Variants in TBC1D1 observed in about 807,000 individuals in gnomAD.
TBC1D1 encodes TBC1 (tre-2/USP6, BUB2, cdc16) domain family, member 1.
A neutral mutation model predicts 125.6 loss-of-function variants in TBC1D1; 89 were observed. That is an observed-to-expected ratio of 0.71 (90% CI 0.60 to 0.85). The LOEUF is 0.85. Ranked by LOEUF, TBC1D1 falls within the 40% of genes least tolerant of loss-of-function variation. The pLI, the probability that TBC1D1 is intolerant of heterozygous loss-of-function variation, is 0.00. For missense variants in TBC1D1, 1,377 were observed against 1,469.2 expected (o/e 0.94, Z 1.03); for synonymous variants, 565 against 564.1 (o/e 1.00, Z -0.02).
intron 6 of TBC1D1, among the ~76,000 whole-genome samples, chr4:38,024,500 A>G (rs1744683188): frequency 6.6e-6 from 1 of 152,220 alleles, no homozygotes; most frequent in Admixed American, 6.5e-5. Context: ...TTTTGGAATT[A>G]ATCATTTGAT....
At chr4:38,031,876 C>T (rs1746213356) in intron 7 of TBC1D1, among the ~76,000 whole-genome samples, 2 of 152,118 alleles carry the variant, frequency 1.3e-5, no homozygotes, top group Non-Finnish European at 2.9e-5. Flanking sequence ...AGTTTTGTTA[C>T]TTTTAACAGG....
At chr4:37,939,293 C>T (rs182090276) in intron 2 of TBC1D1, among the ~76,000 whole-genome samples, 3 of 152,232 alleles carry the variant, frequency 2.0e-5, no homozygotes, top group Admixed American at 6.5e-5. Context: ...TGAGCATTTT[C>T]TCATGTGTCT....
intron 8 of TBC1D1, 112 bp from the exon 9 acceptor site, chr4:38,044,250 A>G: frequency 8.3e-7 from 1 of 1,207,138 alleles, no homozygotes; most frequent in African/African-American, 1.5e-5. Context: ...GAGATCACAG[A>G]CAGGATCAGA....
chr4:38,048,095 GTATTGTA>G (rs761192925), intron 10 of TBC1D1, among the ~76,000 whole-genome samples: 1 of 152,160 alleles, frequency 6.6e-6, no homozygotes, highest in Non-Finnish European at 1.5e-5. Context: ...CTGCTTGTAT[GTATTGTA>G]TATGTTTAAG....
At chr4:38,052,186 T>TGTGTGTGTGC in intron 11 of TBC1D1, 126 bp downstream of exon 12, 1 of 601,634 alleles carries the variant, frequency 1.7e-6, no homozygotes, top group Admixed American at 3.3e-5. Flanking sequence ...TGTGTGTGTG[T>TGTGTGTGTGC]GTGTGTGTGC....
At chr4:38,123,675 G>A (rs1196730255) in intron 17 of TBC1D1, among the ~76,000 whole-genome samples, 7 of 152,348 alleles carry the variant, frequency 4.6e-5, no homozygotes, top group Non-Finnish European at 1.0e-4. Flanking sequence ...TGTGGAAAGA[G>A]TGTGGACCCT....
intron 7 of TBC1D1, among the ~76,000 whole-genome samples, chr4:38,029,119 C>T (rs937193257): frequency 2.6e-5 from 4 of 152,062 alleles, no homozygotes; most frequent in Non-Finnish European, 5.9e-5. Flanking sequence ...TTCATGTCTG[C>T]TTTAGCTGAG....
At chr4:37,962,276 A>T (rs908900401) in intron 2 of TBC1D1, among the ~76,000 whole-genome samples, 1 of 152,214 alleles carries the variant, frequency 6.6e-6, no homozygotes, top group African/African-American at 2.4e-5. Context: ...ACTAAATTTC[A>T]TCTGTAAAGG....
intron 2 of TBC1D1, among the ~76,000 whole-genome samples, chr4:37,922,806 G>A (rs1392590170): frequency 3.9e-5 from 6 of 152,204 alleles, no homozygotes; most frequent in Non-Finnish European, 7.4e-5. Context: ...CTCAATGATT[G>A]GTTTGGGGGT....
chr4:38,051,975 A>C (rs1485486252), intron 11 of TBC1D1: 8 of 1,550,700 alleles, frequency 5.2e-6, no homozygotes, highest in Non-Finnish European at 6.1e-6. Context: ...ACCTCGTCTT[A>C]ACCCCTCCGC....
At chr4:38,098,912 G>A (rs28551073) in intron 14 of TBC1D1, among the ~76,000 whole-genome samples, 6,649 of 152,242 alleles carry the variant, frequency 0.044, 393 homozygotes, top group African/African-American at 0.13. Flanking sequence ...TAGATGAGGG[G>A]CCAGGATTAG....
chr4:37,956,930 C>A (rs1729049600), intron 2 of TBC1D1, among the ~76,000 whole-genome samples: 1 of 130,746 alleles, frequency 7.6e-6, no homozygotes, highest in South Asian at 2.7e-4. Context: ...CAGAGCAAGA[C>A]TCCGTCTCAA....
chr4:38,052,558 C>CAGGA (rs1750816222), intron 11 of TBC1D1, among the ~76,000 whole-genome samples: 3 of 151,892 alleles, frequency 2.0e-5, no homozygotes, highest in Non-Finnish European at 4.4e-5. Flanking sequence ...TGTTCTTGAA[C>CAGGA]TCCTAACCTC....
chr4:37,947,793 A>C (rs1481591370), intron 2 of TBC1D1, among the ~76,000 whole-genome samples: 1 of 152,242 alleles, frequency 6.6e-6, no homozygotes, highest in African/African-American at 2.4e-5. Flanking sequence ...AAGTGGCACA[A>C]GAATTTTGGG....
intron 2 of TBC1D1, among the ~76,000 whole-genome samples, chr4:37,927,376 T>TA (rs1462320352): frequency 6.6e-6 from 1 of 152,222 alleles, no homozygotes; most frequent in Non-Finnish European, 1.5e-5. Flanking sequence ...CCTTGGTTCT[T>TA]ACACTTGCTA....
rs1043127713 is a variant in TBC1D1, at chr4:37,903,588, A to G, written c.417+1076A>G. Among the ~76,000 whole-genome samples, 18 of 152,156 alleles carry G rather than the reference A, an allele frequency of 1.2e-4. 1 individual carries two copies. The highest frequency in any genetic ancestry group is 4.3e-4 in the African/African-American group (18 of 41,412). On this transcript the variant is annotated intron_variant, in intron 2 of 19. Coordinates refer to ENST00000261439, the MANE Select transcript of TBC1D1 (RefSeq NM_015173.4). ...GTTAAAATCTGGATAGAAATGCTAAAGTTTTCTCTCTGCACTCCATTAGGT... is the reference window on the plus strand; with the variant it reads ...GTTAAAATCTGGATAGAAATGCTAAGGTTTTCTCTCTGCACTCCATTAGGT...
At chr4:37,939,994 T>C (rs1423961970) in intron 2 of TBC1D1, among the ~76,000 whole-genome samples, 1 of 152,240 alleles carries the variant, frequency 6.6e-6, no homozygotes, top group Non-Finnish European at 1.5e-5. Flanking sequence ...TAGGATTGTC[T>C]TGGCAATGCA....
chr4:37,911,381 C>G (rs1422972711), intron 2 of TBC1D1, among the ~76,000 whole-genome samples: 1 of 152,138 alleles, frequency 6.6e-6, no homozygotes, highest in African/African-American at 2.4e-5. Flanking sequence ...CAGCTTCAAC[C>G]CACAACCACA....
chr4:38,049,872 G>A lies in TBC1D1; in HGVS notation c.1884G>A (p.Val628=), dbSNP rs1750166200. The A allele has an allele frequency of 6.2e-7, 1 of 1,612,484 alleles. No homozygotes were observed. The highest frequency in any genetic ancestry group is 1.7e-5 in the Admixed American group (1 of 59,642). ...GGAAACTTATGAGGTATCACTCAGTGAGCACAGAGACGCCTCATGAACGAA... is the reference window on the plus strand; with the variant it reads ...GGAAACTTATGAGGTATCACTCAGTAAGCACAGAGACGCCTCATGAACGAA... The change falls in exon 11 of 20, where the codon GTG becomes GTA. Residue 628 remains valine, a synonymous_variant. Transcript: ENST00000261439.
Sources: gnomAD v4.1 joint callset for allele counts (sites outside exome capture counted in the v4.1 genomes callset) on GRCh38, gnomAD v4.1.1 for gene constraint, MANE v1.5 for transcripts, NCBI Gene and HGNC (gene_info 2026-07-23, HGNC 2026-07-21) for gene names.